Variants in POGZ observed in about 807,000 individuals in gnomAD.
POGZ encodes the protein pogo transposable element with ZNF domain.
Under a neutral mutation model 134.6 loss-of-function variants are expected in POGZ, and 17 were observed. The ratio of observed to expected loss-of-function variants is 0.13; its 90% CI spans 0.09 to 0.19. POGZ has a LOEUF of 0.19. Among genes scored for constraint, POGZ ranks in the 10% least tolerant of loss-of-function variants. POGZ has a pLI of 1.00. For synonymous variants in POGZ, 693 were observed against 657.1 expected (o/e 1.05, Z -0.84); for missense variants, 1,306 against 1,769.7 (o/e 0.74, Z 4.70).
At chr1:151,441,925 A>G (rs1660595880) in intron 2 of POGZ, among the ~76,000 whole-genome samples, 156 bp downstream of exon 2, 1 of 152,218 alleles carries the variant, frequency 6.6e-6, no homozygotes, top group East Asian at 1.9e-4. Context: ...TGAGGTTTTC[A>G]CAGACTAGAG....
chr1:151,407,751 G>A (rs943757015), intron 15 of POGZ, among the ~76,000 whole-genome samples: 1 of 152,152 alleles, frequency 6.6e-6, no homozygotes, highest in African/African-American at 2.4e-5. Flanking sequence ...GCTCATGTCT[G>A]TAATCCCAGC....
At chr1:151,426,959 C>A (rs1657890916) in intron 7 of POGZ, 1 of 152,104 alleles carries the variant, frequency 6.6e-6, no homozygotes, top group Admixed American at 6.5e-5. Flanking sequence ...GTTGCAGTGG[C>A]ATGCTCATGG....
chr1:151,407,452 A>G (rs1260449258), intron 15 of POGZ, among the ~76,000 whole-genome samples, 161 bp from the exon 16 acceptor site: 1 of 152,210 alleles, frequency 6.6e-6, no homozygotes, highest in Non-Finnish European at 1.5e-5. Flanking sequence ...AAACTTTAAT[A>G]TGCATACAAG....
intron 12 of POGZ, among the ~76,000 whole-genome samples, chr1:151,410,104 CCT>C (rs1360940273): frequency 4.6e-5 from 7 of 152,244 alleles, no homozygotes; most frequent in Non-Finnish European, 5.9e-5. Context: ...CATTTTGAAT[CCT>C]CTCTTATATA....
chr1:151,418,748 G>A (rs1305065296), intron 10 of POGZ, among the ~76,000 whole-genome samples: 1 of 151,916 alleles, frequency 6.6e-6, no homozygotes, highest in African/African-American at 2.4e-5. Context: ...CTTTTGGGCT[G>A]GGCACGGTGG....
At position 151,406,129 on chromosome 1, in the gene POGZ, T is replaced by C. The variant is rs143934922; in HGVS notation, c.2906A>G (p.Lys969Arg). The C allele has an allele frequency of 1.1e-5, 17 of 1,614,220 alleles. No individual in the cohort carries two copies. Among genetic ancestry groups the C allele is most frequent in the South Asian group, 3.3e-5 (3 of 91,086 alleles). Residue 969 changes from lysine to arginine, a missense_variant, in exon 19 of 19, where the codon AAA becomes AGA. Transcript: ENST00000271715. Reference sequence around the variant, plus strand: ...CTTCTTCACAGACAGCTGCTCCTTTTTGCCAACTCCACCACTACCACCACC... The same window carrying C: ...CTTCTTCACAGACAGCTGCTCCTTTCTGCCAACTCCACCACTACCACCACC... Reference protein sequence around the residue: ...SGGGGSGGVGKKEQLSVKKLR... With the variant: ...SGGGGSGGVGRKEQLSVKKLR...
chr1:151,422,684 C>G (rs766725253), intron 10 of POGZ, among the ~76,000 whole-genome samples: 4 of 152,186 alleles, frequency 2.6e-5, no homozygotes, highest in African/African-American at 9.6e-5. Flanking sequence ...CTCCGCCTCC[C>G]GGGTTCAAGC....
chr1:151,444,803 G>A (rs1255653301), intron 1 of POGZ, among the ~76,000 whole-genome samples: 1 of 152,120 alleles, frequency 6.6e-6, no homozygotes, highest in Non-Finnish European at 1.5e-5. Flanking sequence ...GACCTTCTGA[G>A]AGAAATGGAA....
At chr1:151,432,600 C>T (rs150310195) in intron 3 of POGZ, among the ~76,000 whole-genome samples, 7 of 152,154 alleles carry the variant, frequency 4.6e-5, no homozygotes, top group South Asian at 2.1e-4. Flanking sequence ...AAAAAGGGAA[C>T]GCTATAGTGA....
intron 1 of POGZ, among the ~76,000 whole-genome samples, chr1:151,444,854 C>A (rs1397985348): frequency 2.0e-5 from 3 of 152,044 alleles, no homozygotes; most frequent in African/African-American, 7.2e-5. Flanking sequence ...TCCATCTCTA[C>A]AAATTTTTTT....
At chr1:151,427,774 T>C (rs773062061) in intron 7 of POGZ, 49 bp downstream of exon 7, 34 of 1,177,344 alleles carry the variant, frequency 2.9e-5, no homozygotes, top group Non-Finnish European at 4.3e-5. Context: ...AAACACTTTA[T>C]TAATGTTTTT....
At chr1:151,414,735 T>G (rs556798410) in intron 10 of POGZ, among the ~76,000 whole-genome samples, 1 of 152,198 alleles carries the variant, frequency 6.6e-6, no homozygotes, top group Admixed American at 6.5e-5. Flanking sequence ...TGAGCCAAGA[T>G]GGCGCCACTA....
In POGZ at chr1:151,437,649, G is replaced by T. The variant is rs554656013; in HGVS notation, c.283+3279C>A. Among the ~76,000 whole-genome samples the T allele has an allele frequency of 3.0e-4, 46 of 152,216 alleles. No individual in the cohort carries two copies. In the East Asian group the frequency reaches 7.0e-3, roughly 23 times the overall value. On this transcript the variant is annotated intron_variant, in intron 3 of 18. Transcript: ENST00000271715. ...TGCCTGTAATCCCAGCTACTGGGGT[G>T]GGTGAGGCATGAGAATCGCTTGAAC...
At chr1:151,412,460 A>G in intron 10 of POGZ, 64 bp from the exon 11 acceptor site, 1 of 871,724 alleles carries the variant, frequency 1.1e-6, no homozygotes, top group Non-Finnish European at 1.9e-6. Context: ...GCTGACTCAC[A>G]ATCTTTATTT....
intron 10 of POGZ, among the ~76,000 whole-genome samples, chr1:151,412,831 A>G (rs976416415): frequency 5.9e-5 from 9 of 152,268 alleles, no homozygotes; most frequent in Admixed American, 5.9e-4. Context: ...TAATAAGGCA[A>G]AAACTTGGTA....
intron 7 of POGZ, chr1:151,425,278 T>G (rs1657578754): frequency 4.9e-6 from 2 of 410,542 alleles, no homozygotes; most frequent in East Asian, 9.8e-5. Context: ...CACAGCTCAC[T>G]GCAGCCTTGA....
At chr1:151,412,936 T>A (rs72996040) in intron 10 of POGZ, among the ~76,000 whole-genome samples, 2,508 of 152,140 alleles carry the variant, frequency 0.016, 83 homozygotes, top group African/African-American at 0.057. Context: ...TGAGAAAAAA[T>A]TTTGACAAAA....
rs1653399453 is a variant in POGZ, at chr1:151,405,445, C to T, written c.3590G>A (p.Ser1197Asn). 1.2e-6 allele frequency: 2 copies of T among 1,614,124 alleles called. No individual in the cohort carries two copies. The highest frequency in any genetic ancestry group is 1.7e-6 in the Non-Finnish European group (2 of 1,180,040). Residue 1197 changes from serine (S) to asparagine (N), a missense_variant, in exon 19 of 19, where the codon AGT becomes AAT. Physicochemically the swap from Ser to Asn is conservative, Grantham distance 46 (BLOSUM62 1). Transcript: ENST00000271715. This position sits in a 1 kb window ranked among gnomAD's most constrained non-coding sequence, Gnocchi z 4.9. ...CATGATCTCGTCATCACTGTAGCCACTCTCCTTTGCCTCTAGCAATATGGA... is the reference window on the plus strand; with the variant it reads ...CATGATCTCGTCATCACTGTAGCCATTCTCCTTTGCCTCTAGCAATATGGA... Reference protein sequence around the residue: ...PDSILLEAKESGYSDDEIMEL... With the variant: ...PDSILLEAKENGYSDDEIMEL...
intron 3 of POGZ, among the ~76,000 whole-genome samples, chr1:151,436,043 G>A (rs1267256317): frequency 2.1e-5 from 3 of 145,602 alleles, no homozygotes; most frequent in Admixed American, 1.4e-4. Context: ...TGTAACCTCC[G>A]CCTCCCAGGT....
Sources: allele counts gnomAD v4.1 joint callset (sites outside exome capture counted in the v4.1 genomes callset), GRCh38; gene constraint gnomAD v4.1.1; non-coding constraint Gnocchi (gnomAD v3.1); transcripts MANE v1.5; gene names NCBI Gene and HGNC (gene_info 2026-07-23, HGNC 2026-07-21).